Variants in ADAMTS14 observed in about 807,000 individuals in gnomAD.
ADAMTS14 encodes ADAM metallopeptidase with thrombospondin type 1 motif 14.
In ADAMTS14, 100 loss-of-function variants were observed where a neutral mutation model predicts 128.6. The observed-to-expected ratio is 0.78, with a 90% CI of 0.66 to 0.92. The LOEUF is 0.92. ADAMTS14 is among the 40% of genes least tolerant of loss of function. The probability of loss-of-function intolerance (pLI) is 0.00; values close to 1 mark genes in which losing one functional copy is unlikely to be tolerated. For missense variants in ADAMTS14, 1,562 were observed against 1,658.6 expected (o/e 0.94, Z 1.01); for synonymous variants, 665 against 653.8 (o/e 1.02, Z -0.26).
rs192332688 is a variant in ADAMTS14 at position 70,730,894 on chromosome 10, A to G, written c.1102+645A>G. On this transcript the variant is annotated intron_variant, in intron 6 of 21. Transcript: ENST00000373207. ...CATGGGGTGGTGAAGAGACTTGCCC[A>G]TGTGGTTTAGCAGACAGGAGGCAGA... Among the ~76,000 whole-genome samples the G allele has an allele frequency of 2.6e-5, 4 of 152,308 alleles. No homozygotes were observed. In the East Asian group the frequency reaches 7.7e-4, roughly 29 times the overall value.
At chr10:70,742,578 T>C (rs1204052463) in intron 12 of ADAMTS14, among the ~76,000 whole-genome samples, 2 of 152,206 alleles carry the variant, frequency 1.3e-5, no homozygotes, top group Non-Finnish European at 2.9e-5. Context: ...GTTTCCTTAG[T>C]AATTGGCTGA....
chr10:70,751,969 G>A (rs548406209), intron 17 of ADAMTS14, 126 bp from the exon 18 acceptor site: 6 of 1,377,742 alleles, frequency 4.4e-6, no homozygotes, highest in Non-Finnish European at 4.9e-6. Context: ...GTGGGCAGGC[G>A]GGGGCATAGG....
In ADAMTS14 at chr10:70,762,420, A is replaced by G. The variant is rs1842631253; in HGVS notation, c.*1567A>G. ...TCTTTAAAATTTTATGTATTTATTAACATCGCCATTGGACCCCAAAAGGTT... is the reference window on the plus strand; with the variant it reads ...TCTTTAAAATTTTATGTATTTATTAGCATCGCCATTGGACCCCAAAAGGTT... On this transcript the variant is annotated 3_prime_UTR_variant, in exon 22 of 22. Coordinates refer to ENST00000373207, the MANE Select transcript of ADAMTS14 (RefSeq NM_080722.4). 3 of 152,272 alleles carry G rather than the reference A, an allele frequency of 2.0e-5. No individual in the cohort carries two copies. The highest frequency in any genetic ancestry group is 7.2e-5 in the African/African-American group (3 of 41,464). 9.4% of individuals were successfully genotyped at this position (152,272 alleles called of 1,614,324 possible). A position where few individuals can be genotyped will look rare whatever the true frequency, so the allele number is the denominator to read the frequency against.
chr10:70,732,312 G>A lies in ADAMTS14; in HGVS notation c.1161G>A (p.Glu387=). ...TGAGGAGCTGTGCCCTCAACCATGA[G>A]GATGGCTTCTCCTCAGCCTTCGTGA... The part of the protein sequence containing the change: ...HPLRSCALNH[E]DGFSSAFVIA... Residue 387 remains glutamate (E), a synonymous_variant, in exon 7 of 22, where the codon GAG becomes GAA. Transcript: ENST00000373207. The A allele has an allele frequency of 1.9e-6, 3 of 1,614,196 alleles. No homozygotes were observed. The highest frequency in any genetic ancestry group is 2.5e-6 in the Non-Finnish European group (3 of 1,180,028).
rs10823615 is a variant in ADAMTS14, at chr10:70,760,574, A to T, written c.3393A>T (p.Ala1131=). The T allele has an allele frequency of 2.9e-4, 466 of 1,613,510 alleles. 4 individuals carry two copies. The South Asian group carries it at 4.7e-3, about 16-fold the overall frequency. The change falls in exon 22 of 22, where the codon GCA becomes GCT. Residue 1131 remains alanine, a synonymous_variant. Transcript: ENST00000373207. ...LPGPQDPADA[A]EPPGKPTGSE... is the part of the protein sequence containing the mutation. ...GACCCCAGGACCCTGCAGATGCTGC[A>T]GAGCCTCCTGGAAAGCCAACGGGAT...
intron 3 of ADAMTS14, among the ~76,000 whole-genome samples, chr10:70,702,700 C>G (rs1019545886): frequency 2.0e-5 from 3 of 152,164 alleles, no homozygotes; most frequent in Non-Finnish European, 4.4e-5. Context: ...GAACTGTGGT[C>G]CCTGGGACTC....
chr10:70,722,807 T>A lies in ADAMTS14; in HGVS notation c.871-6487T>A, dbSNP rs138994372. ...TAAAATAGATAAAAGTCCATACTGA[T>A]AACATAAATGATAGAATAAATAAAC... On this transcript the variant is annotated intron_variant, in intron 4 of 21. Transcript: ENST00000373207. Among the ~76,000 whole-genome samples, 382 of 152,282 alleles carry A rather than the reference T, an allele frequency of 2.5e-3. 3 individuals are homozygous for A. Among genetic ancestry groups the A allele is most frequent in the African/African-American group, 8.8e-3 (367 of 41,554 alleles).
chr10:70,753,745 T>C, intron 18 of ADAMTS14, 55 bp from the exon 19 acceptor site: 1 of 1,475,732 alleles, frequency 6.8e-7, no homozygotes, highest in African/African-American at 1.4e-5. Context: ...GAAAGTGTCC[T>C]CTGGGATGAA....
Position 70,672,851 on chromosome 10 carries a change from G to A in ADAMTS14, c.49G>A (p.Ala17Thr), listed in dbSNP as rs891855456. ...LLSYLLPLHCALCAAAGSRTP... is the reference protein window; with the variant it reads ...LLSYLLPLHCTLCAAAGSRTP... The stretch of plus-strand genomic sequence containing the variant: ...GTCCTACCTGCTGCCTTTGCACTGT[G>A]CGCTCTGCGCCGCCGCGGGCAGCCG... Residue 17 changes from alanine (A) to threonine (T), a missense_variant, in exon 1 of 22, where the codon GCG (alanine) becomes ACG (threonine). Coordinates refer to ENST00000373207, the MANE Select transcript of ADAMTS14 (RefSeq NM_080722.4). The A allele has an allele frequency of 3.3e-6, 5 of 1,508,502 alleles. No homozygotes were observed. Among genetic ancestry groups the A allele is most frequent in the East Asian group, 2.7e-5 (1 of 36,686 alleles). The allele number at this position is 1,508,502 out of a possible 1,614,324, so 93.4% of individuals were successfully genotyped here. A position where few individuals can be genotyped will look rare whatever the true frequency, so the allele number is the denominator to read the frequency against.
rs763663551 is a variant in ADAMTS14 at position 70,741,182 on chromosome 10, CT to C, written c.1924+21del. 56 of 1,609,138 alleles carry C rather than the reference CT, an allele frequency of 3.5e-5. No individual in the cohort carries two copies. The African/African-American group carries it at 6.2e-4, about 18-fold the overall frequency. On this transcript the variant is annotated intron_variant, in intron 12 of 21. Coordinates refer to ENST00000373207, the MANE Select transcript of ADAMTS14 (RefSeq NM_080722.4). ...ACGATGGTGAGTGGGCCCCACCCCC[CT>C]CCCACTCCATGTCCTTAGGCATCTG...
At chr10:70,701,539 G>A (rs1840492440) in intron 2 of ADAMTS14, among the ~76,000 whole-genome samples, 1 of 152,154 alleles carries the variant, frequency 6.6e-6, no homozygotes, top group Admixed American at 6.5e-5. Flanking sequence ...ACACATACAC[G>A]AACCCACATC....
chr10:70,678,511 A>C (rs1839710708), intron 2 of ADAMTS14, among the ~76,000 whole-genome samples: 1 of 151,580 alleles, frequency 6.6e-6, no homozygotes, highest in Admixed American at 6.6e-5. Flanking sequence ...GGCAGGGGGA[A>C]GAGCTTGAGC....
chr10:70,733,788 C>T, intron 7 of ADAMTS14, 97 bp from the exon 8 acceptor site: 1 of 1,448,948 alleles, frequency 6.9e-7, no homozygotes, highest in Non-Finnish European at 9.3e-7. Context: ...AGCTCCGGGT[C>T]AGGTCAGGGT....
At chr10:70,701,883 A>G (rs1474005545) in intron 2 of ADAMTS14, among the ~76,000 whole-genome samples, 1 of 152,060 alleles carries the variant, frequency 6.6e-6, no homozygotes, top group East Asian at 1.9e-4. Context: ...TGCCCCTAGG[A>G]TCTTCCTGTC....
At position 70,743,690 on chromosome 10, in the gene ADAMTS14, AC is replaced by A. The variant is rs1445360685; in HGVS notation, c.2058+14del. ...CGCGTGGCGAGTGTGTGGTGGGTGC[AC>A]CCCCAGCCACCCCGACTACCGGCAC... On this transcript the variant is annotated intron_variant, in intron 13 of 21. Coordinates refer to ENST00000373207, the MANE Select transcript of ADAMTS14 (RefSeq NM_080722.4). The A allele has an allele frequency of 9.6e-6, 15 of 1,556,066 alleles. No homozygotes were observed. The East Asian group carries it at 3.0e-4, about 31-fold the overall frequency.
At chr10:70,731,874 C>T (rs1479817063) in intron 6 of ADAMTS14, among the ~76,000 whole-genome samples, 1 of 152,096 alleles carries the variant, frequency 6.6e-6, no homozygotes, top group Non-Finnish European at 1.5e-5. Flanking sequence ...TCCTGTTTTC[C>T]CCCTGGTACC....
chr10:70,676,659 CT>C (rs1839655811), intron 2 of ADAMTS14, among the ~76,000 whole-genome samples: 1 of 152,244 alleles, frequency 6.6e-6, no homozygotes, highest in African/African-American at 2.4e-5. Context: ...AGCCTAAGGC[CT>C]TGTCAGGTGT....
chr10:70,682,147 G>C (rs1036371621), intron 2 of ADAMTS14, among the ~76,000 whole-genome samples: 1 of 152,184 alleles, frequency 6.6e-6, no homozygotes, highest in Admixed American at 6.5e-5. Context: ...CATAAGTCTG[G>C]GCCCCTGGGT....
At chr10:70,723,177 T>C (rs1185048895) in intron 4 of ADAMTS14, among the ~76,000 whole-genome samples, 1 of 152,106 alleles carries the variant, frequency 6.6e-6, no homozygotes, top group African/African-American at 2.4e-5. Context: ...CGTACCCTAA[T>C]TGAAGGACAC....
Sources: gnomAD v4.1 joint callset for allele counts (sites outside exome capture counted in the v4.1 genomes callset) on GRCh38, gnomAD v4.1.1 for gene constraint, MANE v1.5 for transcripts, NCBI Gene and HGNC (gene_info 2026-07-23, HGNC 2026-07-21) for gene names.